PDIA5: variants seen among roughly 807,000 people sequenced by gnomAD.
The protein encoded by PDIA5 is protein disulfide-isomerase A5.
PDIA5 carries 58 observed loss-of-function variants against 77.6 expected under a neutral mutation model. The observed-to-expected ratio is 0.75, with a 90% CI of 0.61 to 0.93. The LOEUF (loss-of-function observed/expected upper bound fraction) is 0.93. PDIA5 is among the 40% of genes least tolerant of loss of function. The pLI is 0.00. For synonymous variants in PDIA5, 250 were observed against 252.1 expected (o/e 0.99, Z 0.08); for missense variants, 630 against 647.7 (o/e 0.97, Z 0.30).
intron 3 of PDIA5, among the ~76,000 whole-genome samples, chr3:123,093,033 G>A (rs1934340286): frequency 6.6e-6 from 1 of 152,192 alleles, no homozygotes; most frequent in African/African-American, 2.4e-5. Flanking sequence ...TGCAGGTTAA[G>A]CGAGCTTTTA....
In PDIA5 at chr3:123,067,125, G is replaced by A. The variant is rs1933585605; in HGVS notation, c.-40G>A. 3 of 1,240,558 alleles carry A rather than the reference G, an allele frequency of 2.4e-6. No individual in the cohort carries two copies. Among genetic ancestry groups the A allele is most frequent in the Non-Finnish European group, 2.0e-6 (2 of 989,402 alleles). The allele number at this position is 1,240,558 out of a possible 1,614,324, so 76.8% of individuals were successfully genotyped here. A position where few individuals can be genotyped will look rare whatever the true frequency, so the allele number is the denominator to read the frequency against. On this transcript the variant is annotated 5_prime_UTR_variant, in exon 1 of 17. Coordinates refer to ENST00000316218, the MANE Select transcript of PDIA5 (RefSeq NM_006810.4). ...AGGCGGGCGGGCGGGAGCGGGCGCC[G>A]GAGTGGAGAAAGGAGCCAGCGGTGG...
intron 1 of PDIA5, among the ~76,000 whole-genome samples, chr3:123,068,091 T>C (rs1363694504): frequency 6.6e-6 from 1 of 152,136 alleles, no homozygotes; most frequent in Non-Finnish European, 1.5e-5. Flanking sequence ...TGTGGGTGTG[T>C]GATGAGATAT....
rs1935348255 is a variant in PDIA5, at chr3:123,130,545, A to T, written c.839A>T (p.His280Leu). Residue 280 changes from histidine (H) to leucine (L), a missense_variant, in exon 11 of 17, where the codon CAC (histidine) becomes CTC (leucine). Coordinates refer to ENST00000316218, the MANE Select transcript of PDIA5 (RefSeq NM_006810.4). ...GCAGATGAGGGCGGCTCCGTTTATC[A>T]CCTGACCGATGAAGACTTTGACCAG... ...PWADEGGSVY[H>L]LTDEDFDQFV... is the part of the protein sequence containing the mutation. 6.2e-7 allele frequency: 1 copy of T among 1,614,036 alleles called. No homozygotes were observed.
chr3:123,089,073 G>A lies in PDIA5; in HGVS notation c.43-95G>A. The A allele has an allele frequency of 1.6e-6, 2 of 1,252,014 alleles. 1 individual carries two copies. 77.6% of individuals were successfully genotyped at this position (1,252,014 alleles called of 1,614,324 possible). ...GTTGGTTTGCCCTCATCCTCTGGAA[G>A]TAAAGCAGCTCTAGGCAGCACATCC... On this transcript the variant is annotated intron_variant, in intron 1 of 16. Coordinates refer to ENST00000316218, the MANE Select transcript of PDIA5 (RefSeq NM_006810.4).
chr3:123,147,426 G>T (rs146206168), intron 13 of PDIA5, among the ~76,000 whole-genome samples: 2 of 152,092 alleles, frequency 1.3e-5, no homozygotes, highest in Non-Finnish European at 2.9e-5. Context: ...GAACCTATAC[G>T]GTCTGAGCTA....
intron 7 of PDIA5, 45 bp downstream of exon 7, chr3:123,111,049 C>A: frequency 1.6e-5 from 17 of 1,056,880 alleles, no homozygotes; most frequent in Non-Finnish European, 2.1e-5. Context: ...TGTTTAGTCT[C>A]TTTGTGGGTG....
intron 11 of PDIA5, among the ~76,000 whole-genome samples, chr3:123,139,697 C>T (rs758082464): frequency 6.6e-5 from 10 of 152,222 alleles, no homozygotes; most frequent in Admixed American, 2.6e-4. Context: ...GGTGTTTAGT[C>T]AAATTAACGA....
intron 1 of PDIA5, among the ~76,000 whole-genome samples, chr3:123,082,127 G>C (rs908125123): frequency 6.6e-6 from 1 of 152,194 alleles, no homozygotes; most frequent in Non-Finnish European, 1.5e-5. Flanking sequence ...AAAGCAGAGG[G>C]TTAGTCTAAA....
intron 15 of PDIA5, among the ~76,000 whole-genome samples, chr3:123,158,107 C>A (rs1289325552): frequency 2.0e-5 from 3 of 152,234 alleles, no homozygotes; most frequent in African/African-American, 7.2e-5. Flanking sequence ...CCTCATTTGT[C>A]CTTGAACTCC....
intron 1 of PDIA5, among the ~76,000 whole-genome samples, chr3:123,076,928 GA>G (rs1008512605): frequency 6.6e-6 from 1 of 152,216 alleles, no homozygotes; most frequent in Non-Finnish European, 1.5e-5. Context: ...TAAGCTCTCA[GA>G]TAAGTTGCCC....
chr3:123,071,373 C>G (rs1560489145), intron 1 of PDIA5, among the ~76,000 whole-genome samples: 1 of 152,166 alleles, frequency 6.6e-6, no homozygotes, highest in Non-Finnish European at 1.5e-5. Flanking sequence ...GCTTGAAGCT[C>G]AGACCCTGGA....
chr3:123,115,449 T>C (rs571621901), intron 7 of PDIA5, among the ~76,000 whole-genome samples: 94 of 152,208 alleles, frequency 6.2e-4, no homozygotes, highest in African/African-American at 2.1e-3. Flanking sequence ...AGTGTGACCA[T>C]GGTAGACCAC....
At chr3:123,089,596 G>A (rs1934233377) in intron 2 of PDIA5, among the ~76,000 whole-genome samples, 1 of 152,276 alleles carries the variant, frequency 6.6e-6, no homozygotes, top group Non-Finnish European at 1.5e-5. Context: ...GGATCACAGT[G>A]GCGGACACTG....
chr3:123,149,507 C>CA (rs1935837265), intron 13 of PDIA5, among the ~76,000 whole-genome samples: 1 of 152,168 alleles, frequency 6.6e-6, no homozygotes, highest in Non-Finnish European at 1.5e-5. Context: ...GGAGCAAAAG[C>CA]TATTGCAAGA....
In PDIA5 at chr3:123,125,398, G is replaced by T. The variant is rs1437984899; in HGVS notation, c.773+1055G>T. On this transcript the variant is annotated intron_variant, in intron 10 of 16. Coordinates refer to ENST00000316218, the MANE Select transcript of PDIA5 (RefSeq NM_006810.4). ...AATGAGGTCCCTGAGGCACAGTAAA[G>T]GGGTGGTGCCGGTAAGCAGTAGCAG... Among the ~76,000 whole-genome samples the T allele has an allele frequency of 2.6e-5, 4 of 152,266 alleles. No individual in the cohort carries two copies. In the East Asian group the frequency reaches 7.7e-4, roughly 29 times the overall value.
intron 5 of PDIA5, 43 bp from the exon 6 acceptor site, chr3:123,106,706 T>G: frequency 7.0e-7 from 1 of 1,431,420 alleles, no homozygotes; most frequent in South Asian, 1.1e-5. Context: ...CTCCCTCTTT[T>G]CAGGGCTAAA....
chr3:123,081,594 G>T (rs528536725), intron 1 of PDIA5, among the ~76,000 whole-genome samples: 1 of 152,198 alleles, frequency 6.6e-6, no homozygotes, highest in African/African-American at 2.4e-5. Flanking sequence ...TTAACATAAG[G>T]GTATCTTTTT....
rs1933584652 is a variant in PDIA5, at chr3:123,067,105, G to A, written c.-60G>A. On this transcript the variant is annotated 5_prime_UTR_variant, in exon 1 of 17. Coordinates refer to ENST00000316218, the MANE Select transcript of PDIA5 (RefSeq NM_006810.4). ...TTGGCCGCGGTGGAGCTAGCAGGCG[G>A]GCGGGCGGGAGCGGGCGCCGGAGTG... 2 of 1,224,530 alleles carry A rather than the reference G, an allele frequency of 1.6e-6. No individual in the cohort carries two copies. The highest frequency in any genetic ancestry group is 1.6e-5 in the African/African-American group (1 of 64,192). The allele number at this position is 1,224,530 out of a possible 1,614,324, so 75.9% of individuals were successfully genotyped here.
At chr3:123,119,247 C>G (rs897103271) in intron 8 of PDIA5, among the ~76,000 whole-genome samples, 8 of 151,926 alleles carry the variant, frequency 5.3e-5, no homozygotes, top group African/African-American at 1.9e-4. Context: ...GATCCTGTCT[C>G]TAAAAAAAAG....
Sources: gnomAD v4.1 joint callset for allele counts (sites outside exome capture counted in the v4.1 genomes callset) on GRCh38, gnomAD v4.1.1 for gene constraint, MANE v1.5 for transcripts, NCBI Gene and HGNC (gene_info 2026-07-23, HGNC 2026-07-21) for gene names.